The following MTRF1 variants were observed in gnomAD, a reference collection of about 807,000 sequenced individuals.
The protein encoded by MTRF1 is mitochondrial translation release factor 1.
A neutral mutation model predicts 62.9 loss-of-function variants in MTRF1; 51 were observed. That is an observed-to-expected ratio of 0.81 (90% CI 0.65 to 1.02). The LOEUF (loss-of-function observed/expected upper bound fraction) is 1.02, where lower values mean the gene tolerates loss of function less well. Among genes scored for constraint, MTRF1 ranks in the 50% least tolerant of loss-of-function variants. The pLI, the probability that MTRF1 is intolerant of heterozygous loss-of-function variation, is 0.00. For synonymous variants in MTRF1, 158 were observed against 181.9 expected, an observed-to-expected ratio of 0.87 and a Z score of 1.06; for missense variants, 446 against 530.0, an observed-to-expected ratio of 0.84 and a Z score of 1.56.
chr13:41,266,694 G>A (rs762893145), upstream of MTRF1, among the ~76,000 whole-genome samples: 9 of 151,592 alleles, frequency 5.9e-5, no homozygotes, highest in Non-Finnish European at 1.3e-4. Flanking sequence ...TCCAGTCAGT[G>A]TTCAAATTTC....
At chr13:41,232,063 G>T (rs1308231636) in intron 7 of MTRF1, among the ~76,000 whole-genome samples, 1 of 151,714 alleles carries the variant, frequency 6.6e-6, no homozygotes, top group Non-Finnish European at 1.5e-5. Context: ...ACAGGCCAAG[G>T]CCTTGTCTCA....
At chr13:41,304,994 C>T in the MTRF1 span, among the ~76,000 whole-genome samples, 3 of 152,214 alleles carry the variant, frequency 2.0e-5, no homozygotes, top group Non-Finnish European at 4.4e-5. Context: ...AAAACACTTT[C>T]AGAAAACTGT....
intron 9 of MTRF1, among the ~76,000 whole-genome samples, chr13:41,220,379 C>T (rs188311891): frequency 6.1e-5 from 9 of 147,946 alleles, no homozygotes; most frequent in Non-Finnish European, 1.2e-4. Context: ...ATCTCTAAGG[C>T]CAGGGGAAAT....
Position 41,260,709 on chromosome 13 carries a change from T to TG in MTRF1, c.198dup (p.Lys67GlnfsTer7). The TG allele has an allele frequency of 1.2e-6, 2 of 1,614,172 alleles. No individual in the cohort carries two copies. The highest frequency in any genetic ancestry group is 2.2e-5 in the South Asian group (2 of 91,080). ...AGTGCTTTATGCTTCCAGAGCATCT[T>TG]GGTGTCTTGATGGCAATATCTCCTG... On this transcript the variant is annotated frameshift_variant, in exon 2 of 10. Transcript: ENST00000379480. LOFTEE classifies it high-confidence loss of function.
the MTRF1 span, among the ~76,000 whole-genome samples, chr13:41,289,232 AT>A: frequency 3.6e-5 from 5 of 137,490 alleles, no homozygotes; most frequent in African/African-American, 5.4e-5. Flanking sequence ...GTGGATTTAA[AT>A]TTTTTTTTTT....
the MTRF1 span, among the ~76,000 whole-genome samples, chr13:41,289,558 A>G: frequency 6.6e-6 from 1 of 152,180 alleles, no homozygotes. Flanking sequence ...TTATATGACA[A>G]CTGGTGACAG....
chr13:41,266,682 T>C (rs1199736492), upstream of MTRF1, among the ~76,000 whole-genome samples: 1 of 151,612 alleles, frequency 6.6e-6, no homozygotes, highest in Non-Finnish European at 1.5e-5. Flanking sequence ...TATTATCTAA[T>C]GTCCAGTCAG....
the MTRF1 span, among the ~76,000 whole-genome samples, chr13:41,301,416 T>A: frequency 6.6e-6 from 1 of 151,958 alleles, no homozygotes; most frequent in Non-Finnish European, 1.5e-5. Context: ...AGGGGAGAGA[T>A]GTATTGACTT....
intron 7 of MTRF1, among the ~76,000 whole-genome samples, chr13:41,227,829 T>C (rs752872516): frequency 2.0e-5 from 3 of 152,254 alleles, no homozygotes; most frequent in Non-Finnish European, 4.4e-5. Context: ...CTAATACTTT[T>C]AGTAGGGCAC....
At chr13:41,291,630 T>C in the MTRF1 span, among the ~76,000 whole-genome samples, 1 of 152,058 alleles carries the variant, frequency 6.6e-6, no homozygotes, top group African/African-American at 2.4e-5. Flanking sequence ...ATATATCTCC[T>C]AGGTAGAGAC....
At chr13:41,289,790 G>C in the MTRF1 span, among the ~76,000 whole-genome samples, 1 of 152,144 alleles carries the variant, frequency 6.6e-6, no homozygotes, top group Non-Finnish European at 1.5e-5. Context: ...TCAACAAATA[G>C]GGCCCAATTC....
intron 9 of MTRF1, among the ~76,000 whole-genome samples, chr13:41,219,817 G>A (rs2032834502): frequency 6.6e-6 from 1 of 151,900 alleles, no homozygotes; most frequent in African/African-American, 2.4e-5. Context: ...TGACCAACAT[G>A]GGGAAACCCC....
At chr13:41,223,388 CT>C in intron 8 of MTRF1, 34 bp from the exon 9 acceptor site, 1 of 1,534,602 alleles carries the variant, frequency 6.5e-7, no homozygotes, top group Non-Finnish European at 9.0e-7. Context: ...TATATTTTAC[CT>C]TTATAAATGT....
At chr13:41,295,315 C>G in the MTRF1 span, among the ~76,000 whole-genome samples, 1 of 152,028 alleles carries the variant, frequency 6.6e-6, no homozygotes, top group East Asian at 1.9e-4. Flanking sequence ...TTCAGTATAA[C>G]CAGGAAACAT....
chr13:41,286,319 G>A, the MTRF1 span, among the ~76,000 whole-genome samples: 1 of 152,130 alleles, frequency 6.6e-6, no homozygotes, highest in African/African-American at 2.4e-5. Flanking sequence ...GAAATATATA[G>A]GAAGAAAGAT....
the MTRF1 span, among the ~76,000 whole-genome samples, chr13:41,275,693 A>C: frequency 6.6e-6 from 1 of 151,230 alleles, no homozygotes; most frequent in Admixed American, 6.6e-5. Flanking sequence ...GGGTTTCACC[A>C]TGTTGGCCAG....
At chr13:41,273,800 G>A in the MTRF1 span, among the ~76,000 whole-genome samples, 1 of 152,136 alleles carries the variant, frequency 6.6e-6, no homozygotes. Context: ...TCGCACCATT[G>A]CACTCCAGCC....
intron 7 of MTRF1, among the ~76,000 whole-genome samples, chr13:41,227,905 G>C (rs2034750097): frequency 6.6e-6 from 1 of 152,218 alleles, no homozygotes; most frequent in Non-Finnish European, 1.5e-5. Context: ...TGGTTGGACT[G>C]GGGGCACTGG....
intron 5 of MTRF1, among the ~76,000 whole-genome samples, chr13:41,240,692 G>C (rs1401203731): frequency 6.6e-6 from 1 of 152,172 alleles, no homozygotes; most frequent in Non-Finnish European, 1.5e-5. Context: ...AGCTAGTGAT[G>C]CAACAATAGG....
Sources: gnomAD v4.1 joint callset for allele counts (sites outside exome capture counted in the v4.1 genomes callset) on GRCh38, gnomAD v4.1.1 for gene constraint, MANE v1.5 for transcripts, NCBI Gene and HGNC (gene_info 2026-07-23, HGNC 2026-07-21) for gene names.